The following TVP23A variants were observed in gnomAD, a reference collection of about 807,000 sequenced individuals.
TVP23A encodes the protein Golgi apparatus membrane protein TVP23 homolog A.
Under a neutral mutation model 31.7 loss-of-function variants are expected in TVP23A, and 21 were observed. That is an observed-to-expected ratio of 0.66 (90% CI 0.47 to 0.95). The LOEUF (loss-of-function observed/expected upper bound fraction) is 0.95, where lower values mean the gene tolerates loss of function less well. Ranked by LOEUF, TVP23A falls within the 40% of genes least tolerant of loss-of-function variation. The probability of loss-of-function intolerance (pLI) is 0.00; values close to 1 mark genes in which losing one functional copy is unlikely to be tolerated. For missense variants in TVP23A, 279 were observed against 255.6 expected (o/e 1.09, Z -0.62); for synonymous variants, 104 against 96.0 (o/e 1.08, Z -0.49).
In TVP23A at chr16:10,767,857, C is replaced by T; in HGVS notation, c.*1245G>A. 1 of 1,173,882 alleles carries T rather than the reference C, an allele frequency of 8.5e-7. No homozygotes were observed. The highest frequency in any genetic ancestry group is 1.3e-6 in the Non-Finnish European group (1 of 785,598). The allele number at this position is 1,173,882 out of a possible 1,614,324, so 72.7% of individuals were successfully genotyped here. A position where few individuals can be genotyped will look rare whatever the true frequency, so the allele number is the denominator to read the frequency against. ...GAGTGAAGCGGGCTCAAGATCTTCC[C>T]ATTGTCACCAGCACGGAAAGAGCCC... On this transcript the variant is annotated 3_prime_UTR_variant, in exon 8 of 8. Coordinates refer to ENST00000299866, the MANE Select transcript of TVP23A (RefSeq NM_001079512.4). This position sits in a 1 kb window ranked among gnomAD's most constrained non-coding sequence, Gnocchi z 4.6.
chr16:10,757,758 T>G, downstream of TVP23A: 3 of 1,341,426 alleles, frequency 2.2e-6, no homozygotes, highest in Non-Finnish European at 3.1e-6. This position sits in a 1 kb window ranked among gnomAD's most constrained non-coding sequence, Gnocchi z 4.1. Context: ...AGCCTCAGAG[T>G]TAAGAGCCAA....
chr16:10,795,462 G>A (rs1216833195), intron 2 of TVP23A, among the ~76,000 whole-genome samples: 1 of 151,990 alleles, frequency 6.6e-6, no homozygotes, highest in Non-Finnish European at 1.5e-5. Flanking sequence ...TGTTGGCCAG[G>A]CTAGTCTCGA....
intron 2 of TVP23A, among the ~76,000 whole-genome samples, chr16:10,794,747 G>T (rs750441793): frequency 6.6e-6 from 1 of 152,130 alleles, no homozygotes; most frequent in Non-Finnish European, 1.5e-5. Flanking sequence ...TAGGTACCTG[G>T]TAGGGGTCTG....
chr16:10,815,571 G>A (rs760436052), intron 2 of TVP23A, among the ~76,000 whole-genome samples: 17 of 152,206 alleles, frequency 1.1e-4, no homozygotes, highest in Non-Finnish European at 2.1e-4. Context: ...GCTGCTACTG[G>A]CATCTGGTGA....
chr16:10,764,579 A>G (rs1404455042), downstream of TVP23A, among the ~76,000 whole-genome samples: 1 of 140,500 alleles, frequency 7.1e-6, no homozygotes, highest in Admixed American at 7.1e-5. Context: ...CTGCTGGAGT[A>G]TGTCAGTCTA....
chr16:10,794,557 G>T (rs2033281585), intron 2 of TVP23A, among the ~76,000 whole-genome samples: 1 of 152,200 alleles, frequency 6.6e-6, no homozygotes. Flanking sequence ...AGTGAGGTAG[G>T]AAGAGGACAT....
At chr16:10,786,196 T>C (rs1443653676) in intron 2 of TVP23A, among the ~76,000 whole-genome samples, 1 of 152,206 alleles carries the variant, frequency 6.6e-6, no homozygotes. Context: ...AGCTTAGTGA[T>C]ATGGGGGCCC....
At chr16:10,765,304 A>G (rs909727391), downstream of TVP23A, among the ~76,000 whole-genome samples, 2 of 149,688 alleles carry the variant, frequency 1.3e-5, no homozygotes, top group Non-Finnish European at 3.0e-5. The surrounding 1 kb of genome is among the most constrained non-coding windows in gnomAD (Gnocchi z 4.0). Flanking sequence ...AGCCTGGGTA[A>G]CACAGGAAGA....
intron 2 of TVP23A, among the ~76,000 whole-genome samples, chr16:10,797,496 G>A (rs149282638): frequency 3.9e-4 from 59 of 151,660 alleles, no homozygotes; most frequent in African/African-American, 1.2e-3. Context: ...AGGTTGTGGT[G>A]AGCTGAGATC....
chr16:10,818,771 G>T lies in TVP23A; in HGVS notation c.-278C>A. 2.1e-6 allele frequency: 1 copy of T among 478,512 alleles called. No homozygotes were observed. The highest frequency in any genetic ancestry group is 3.5e-5 in the South Asian group (1 of 28,214). 29.6% of individuals were successfully genotyped at this position (478,512 alleles called of 1,614,324 possible). On this transcript the variant is annotated 5_prime_UTR_variant, in exon 1 of 8. Coordinates refer to ENST00000299866, the MANE Select transcript of TVP23A (RefSeq NM_001079512.4). This position sits in a 1 kb window ranked among gnomAD's most constrained non-coding sequence, Gnocchi z 4.7. ...CAGGGAGGCAACGGCCTGGGGAACT[G>T]CGGACAGAGATAGTGGGAGGAATGG...
chr16:10,804,895 T>C (rs533850165), intron 2 of TVP23A, among the ~76,000 whole-genome samples: 1 of 152,036 alleles, frequency 6.6e-6, no homozygotes, highest in Admixed American at 6.6e-5. Context: ...AACATTTCCA[T>C]CACTCCAAAG....
intron 4 of TVP23A, 34 bp from the exon 5 acceptor site, chr16:10,773,475 A>T: frequency 6.4e-7 from 1 of 1,554,554 alleles, no homozygotes; most frequent in Non-Finnish European, 8.7e-7. Context: ...TGTCAAAACA[A>T]GTGGAAATGG....
downstream of TVP23A, among the ~76,000 whole-genome samples, chr16:10,764,164 G>A (rs1033475587): frequency 6.6e-6 from 1 of 152,222 alleles, no homozygotes; most frequent in African/African-American, 2.4e-5. Flanking sequence ...GCCCACAGGA[G>A]TATCTCAGCC....
At chr16:10,760,406 C>T (rs777907910), downstream of TVP23A, among the ~76,000 whole-genome samples, 8 of 152,184 alleles carry the variant, frequency 5.3e-5, no homozygotes, top group Admixed American at 1.3e-4. Context: ...CACACACTGG[C>T]TTAATATAGT....
In TVP23A at chr16:10,778,005, G is replaced by A. The variant is rs571566696; in HGVS notation, c.90-2909C>T. Among the ~76,000 whole-genome samples the A allele has an allele frequency of 3.0e-3, 436 of 147,492 alleles. 1 individual carries two copies. Among genetic ancestry groups the A allele is most frequent in the Non-Finnish European group, 4.4e-3 (296 of 67,812 alleles). On this transcript the variant is annotated intron_variant, in intron 2 of 7. Transcript: ENST00000299866. ...CAGCCTGGTGACAGAGCGAGACTCCGTCTCAAAAAAAATAAAAATAAAAAT... is the reference window on the plus strand; with the variant it reads ...CAGCCTGGTGACAGAGCGAGACTCCATCTCAAAAAAAATAAAAATAAAAAT...
chr16:10,768,885 C>A lies in TVP23A; in HGVS notation c.*217G>T. 1.6e-6 allele frequency: 1 copy of A among 616,798 alleles called. No homozygotes were observed. Among genetic ancestry groups the A allele is most frequent in the Non-Finnish European group, 2.9e-6 (1 of 345,192 alleles). The allele number at this position is 616,798 out of a possible 1,614,324, so 38.2% of individuals were successfully genotyped here. On this transcript the variant is annotated 3_prime_UTR_variant, in exon 8 of 8. Transcript: ENST00000299866. This position sits in a 1 kb window ranked among gnomAD's most constrained non-coding sequence, Gnocchi z 4.3. ...GCAAGATGGGTAGTGTGAGGTATTC[C>A]GGTCACTTTCAAAGACTCAGGGCAT...
chr16:10,758,908 G>A (rs551970844), downstream of TVP23A, among the ~76,000 whole-genome samples: 18 of 152,342 alleles, frequency 1.2e-4, no homozygotes, highest in Non-Finnish European at 2.1e-4. Flanking sequence ...AGAGCGATAG[G>A]AAGTTTCCTC....
chr16:10,803,268 T>TGTGTGTGTGTGTGTGTGTGTGTGCGC (rs1555485950), intron 2 of TVP23A, among the ~76,000 whole-genome samples: 5 of 151,302 alleles, frequency 3.3e-5, no homozygotes, highest in African/African-American at 9.7e-5. Flanking sequence ...TGTGTGTGTG[T>TGTGTGTGTGTGTGTGTGTGTGTGCGC]GTGTGTGTGT....
At chr16:10,757,903 A>T (rs1567258863), downstream of TVP23A, 16 of 1,613,862 alleles carry the variant, frequency 9.9e-6, no homozygotes, top group Non-Finnish European at 1.4e-5. The surrounding 1 kb of genome is among the most constrained non-coding windows in gnomAD (Gnocchi z 4.1). Context: ...CGAGATGTGG[A>T]CTGGGGAGAG....
Sources: gnomAD v4.1 joint callset for allele counts (sites outside exome capture counted in the v4.1 genomes callset) on GRCh38, gnomAD v4.1.1 for gene constraint, Gnocchi (gnomAD v3.1) non-coding constraint, MANE v1.5 for transcripts, NCBI Gene and HGNC (gene_info 2026-07-23, HGNC 2026-07-21) for gene names.